Variants in STON2 observed in about 807,000 individuals in gnomAD.
STON2 encodes the protein stonin 2.
Under a neutral mutation model 65.7 loss-of-function variants are expected in STON2, and 29 were observed. The ratio of observed to expected loss-of-function variants is 0.44; its 90% confidence interval spans 0.33 to 0.60. The LOEUF (loss-of-function observed/expected upper bound fraction) is 0.60. STON2 is among the 20% of genes least tolerant of loss of function. The pLI, the probability that STON2 is intolerant of heterozygous loss-of-function variation, is 0.03. For synonymous variants in STON2, 404 were observed against 414.2 expected (o/e 0.98, Z 0.30); for missense variants, 1,054 against 1,118.1 (o/e 0.94, Z 0.82).
At chr14:81,404,861 C>T (rs972924315), upstream of STON2, among the ~76,000 whole-genome samples, 1 of 152,172 alleles carries the variant, frequency 6.6e-6, no homozygotes, top group African/African-American at 2.4e-5. Context: ...TTTTTTATTT[C>T]ATCCTTGATT....
chr14:81,354,136 C>A (rs1418436498), intron 4 of STON2, among the ~76,000 whole-genome samples: 1 of 152,206 alleles, frequency 6.6e-6, no homozygotes, highest in East Asian at 1.9e-4. Flanking sequence ...TATCACCTGG[C>A]CAGGGAATGC....
intron 4 of STON2, among the ~76,000 whole-genome samples, chr14:81,351,873 G>T (rs1350873880): frequency 6.6e-6 from 1 of 152,188 alleles, no homozygotes. Context: ...TAGATCCACA[G>T]AGTCTGTGCT....
chr14:81,292,942 C>T (rs1284244381), intron 5 of STON2, among the ~76,000 whole-genome samples: 2 of 152,212 alleles, frequency 1.3e-5, no homozygotes, highest in African/African-American at 4.8e-5. Flanking sequence ...TCCCTCCGCA[C>T]TGATCTGGGT....
chr14:81,381,635 C>G (rs962158337), intron 3 of STON2, among the ~76,000 whole-genome samples: 8 of 152,092 alleles, frequency 5.3e-5, no homozygotes, highest in African/African-American at 1.9e-4. Context: ...TTTCTTTCTC[C>G]ACTTCCCTGA....
Position 81,277,272 on chromosome 14 carries a change from A to G in STON2, c.2210T>C (p.Val737Ala). ...GAAAGGCAAGGTCTTCTCAGCAAAC[A>G]CTGTCCTGAACCGCATTAGCTCAAA... ...CRFELMRFRT[V>A]FAEKTLPFTL... is the part of the protein sequence containing the mutation. The change falls in exon 6 of 8, where the codon GTG becomes GCG. Residue 737 changes from valine to alanine, a missense_variant. Coordinates refer to ENST00000614646, the MANE Select transcript of STON2 (RefSeq NM_001394390.1). The G allele has an allele frequency of 6.2e-7, 1 of 1,614,114 alleles. No individual in the cohort carries two copies. Among genetic ancestry groups the G allele is most frequent in the Admixed American group, 1.7e-5 (1 of 60,014 alleles).
At chr14:81,332,955 G>C (rs897744034) in intron 4 of STON2, 49 of 449,122 alleles carry the variant, frequency 1.1e-4, no homozygotes, top group Non-Finnish European at 1.7e-4. Context: ...CTCACTGCTA[G>C]ACACCTCATT....
At chr14:81,427,142 A>G (rs1301362292) in exon 2 of STON2, 2 of 152,212 alleles carry the variant, frequency 1.3e-5, no homozygotes, top group Non-Finnish European at 2.9e-5. Context: ...CTGGCTCCAG[A>G]GTCTGTACTT....
intron 1 of STON2, among the ~76,000 whole-genome samples, chr14:81,434,378 G>A (rs1422355077): frequency 3.9e-5 from 6 of 152,062 alleles, no homozygotes; most frequent in African/African-American, 9.7e-5. Flanking sequence ...ATCCTCCCAC[G>A]CCACTGGAGA....
intron 5 of STON2, among the ~76,000 whole-genome samples, chr14:81,314,709 A>G (rs1436082565): frequency 8.5e-5 from 13 of 152,244 alleles, no homozygotes; most frequent in Non-Finnish European, 2.9e-5. Flanking sequence ...AACAGGCCTG[A>G]GTAATAAGCT....
chr14:81,426,225 T>C (rs188618780), intron 2 of STON2, among the ~76,000 whole-genome samples: 85 of 152,354 alleles, frequency 5.6e-4, no homozygotes, highest in African/African-American at 2.0e-3. Flanking sequence ...GACCCTAGTC[T>C]TAACTCAGGC....
intron 4 of STON2, among the ~76,000 whole-genome samples, chr14:81,342,002 G>A (rs1216289490): frequency 1.3e-5 from 2 of 152,162 alleles, no homozygotes; most frequent in Non-Finnish European, 2.9e-5. Context: ...CACAGGCACT[G>A]ATCTAGGAGT....
chr14:81,416,435 T>C (rs939648585), intron 2 of STON2, among the ~76,000 whole-genome samples: 1 of 152,164 alleles, frequency 6.6e-6, no homozygotes, highest in Non-Finnish European at 1.5e-5. Context: ...GGAAAGAGCC[T>C]AGCTGGCTCA....
intron 2 of STON2, chr14:81,413,353 C>T (rs983941031): frequency 3.6e-6 from 3 of 825,296 alleles, no homozygotes; most frequent in East Asian, 3.7e-5. Flanking sequence ...CCTCGATGTT[C>T]GAACCTTTAT....
intron 4 of STON2, among the ~76,000 whole-genome samples, chr14:81,369,855 G>A (rs1462733943): frequency 6.6e-6 from 1 of 152,186 alleles, no homozygotes; most frequent in East Asian, 1.9e-4. Flanking sequence ...GCTGCTGAAG[G>A]TGTGCTCGCA....
chr14:81,313,084 T>C (rs1340749066), intron 5 of STON2, among the ~76,000 whole-genome samples: 1 of 152,248 alleles, frequency 6.6e-6, no homozygotes, highest in Admixed American at 6.5e-5. Context: ...ATTTCCATTC[T>C]ACATACTATC....
At chr14:81,419,932 G>A (rs1276049523) in intron 2 of STON2, among the ~76,000 whole-genome samples, 1 of 152,166 alleles carries the variant, frequency 6.6e-6, no homozygotes, top group Admixed American at 6.5e-5. Flanking sequence ...AGAGGCTGCT[G>A]GGAACTAAGG....
At chr14:81,350,648 T>C (rs2140314251) in intron 4 of STON2, among the ~76,000 whole-genome samples, 2 of 152,252 alleles carry the variant, frequency 1.3e-5, no homozygotes, top group Admixed American at 6.5e-5. Context: ...ACCCGTAAAA[T>C]GTGGAAATTC....
At chr14:81,356,135 C>G (rs1269256568) in intron 4 of STON2, among the ~76,000 whole-genome samples, 2 of 152,128 alleles carry the variant, frequency 1.3e-5, no homozygotes, top group East Asian at 1.9e-4. Context: ...TATGATATTG[C>G]CTGTGGGTTT....
intron 2 of STON2, among the ~76,000 whole-genome samples, chr14:81,414,339 G>T (rs1052403658): frequency 6.6e-6 from 1 of 152,120 alleles, no homozygotes; most frequent in Non-Finnish European, 1.5e-5. Flanking sequence ...CAGTTACCTA[G>T]GGAGAAGCCG....
Sources: gnomAD v4.1 joint callset for allele counts (sites outside exome capture counted in the v4.1 genomes callset) on GRCh38, gnomAD v4.1.1 for gene constraint, MANE v1.5 for transcripts, NCBI Gene and HGNC (gene_info 2026-07-23, HGNC 2026-07-21) for gene names.